The following FBLN2 variants were observed in gnomAD, a reference collection of about 807,000 sequenced individuals.
The protein encoded by FBLN2 is fibulin 2.
A neutral mutation model predicts 123.7 loss-of-function variants in FBLN2; 81 were observed. The observed-to-expected ratio is 0.65, with a 90% CI of 0.55 to 0.79. The LOEUF (loss-of-function observed/expected upper bound fraction) is 0.79. Among genes scored for constraint, FBLN2 ranks in the 30% least tolerant of loss-of-function variants. The pLI, the probability that FBLN2 is intolerant of heterozygous loss-of-function variation, is 0.00. For missense variants in FBLN2, 1,603 were observed against 1,681.3 expected (o/e 0.95, Z 0.81); for synonymous variants, 699 against 701.4 (o/e 1.00, Z 0.05).
chr3:13,605,551 C>T (rs780774597), intron 2 of FBLN2, among the ~76,000 whole-genome samples: 2 of 152,190 alleles, frequency 1.3e-5, no homozygotes, highest in Non-Finnish European at 2.9e-5. Context: ...TCTATTGTTT[C>T]TGACAGCTCC....
In FBLN2 at chr3:13,606,729, A is replaced by T. The variant is rs533127005; in HGVS notation, c.1307-1333A>T. ...AGCAGTGGAATGATCTCAGCTCACCACAACCTCCGCCTCCCAGGTTCCAGT... is the reference window on the plus strand; with the variant it reads ...AGCAGTGGAATGATCTCAGCTCACCTCAACCTCCGCCTCCCAGGTTCCAGT... On this transcript the variant is annotated intron_variant, in intron 2 of 17. Coordinates refer to ENST00000404922, the MANE Select transcript of FBLN2 (RefSeq NM_001004019.2). 1.1e-3 allele frequency among the ~76,000 whole-genome samples: 160 copies of T among 152,228 alleles called. 1 individual carries two copies. The South Asian group carries it at 0.032, about 31-fold the overall frequency.
rs1376226954 is a variant in FBLN2 at position 13,570,532 on chromosome 3, G to A, written c.177G>A (p.Val59=). 1 of 1,593,254 alleles carries A rather than the reference G, an allele frequency of 6.3e-7. No homozygotes were observed. Among genetic ancestry groups the A allele is most frequent in the Non-Finnish European group, 8.5e-7 (1 of 1,171,754 alleles). ...LEPGACCATC[V]QQGCACEGYQ... ...CGGGTGCCTGCTGTGCCACGTGTGT[G>A]CAGCAGGGCTGCGCCTGCGAGGGCT... Residue 59 remains valine, a synonymous_variant, in exon 2 of 18, where the codon GTG becomes GTA. Transcript: ENST00000404922.
intron 1 of FBLN2, among the ~76,000 whole-genome samples, chr3:13,568,504 C>A (rs546763590): frequency 6.6e-6 from 1 of 152,320 alleles, no homozygotes; most frequent in South Asian, 2.1e-4. Context: ...CGCTTACAGG[C>A]ACGCCCAGAG....
chr3:13,567,489 C>T (rs534571679), intron 1 of FBLN2, among the ~76,000 whole-genome samples: 1 of 152,336 alleles, frequency 6.6e-6, no homozygotes, highest in South Asian at 2.1e-4. Flanking sequence ...TCCTGAGTTG[C>T]TGGGATTACA....
intron 1 of FBLN2, among the ~76,000 whole-genome samples, chr3:13,561,654 T>C (rs1703610309): frequency 6.6e-6 from 1 of 152,230 alleles, no homozygotes; most frequent in South Asian, 2.1e-4. Context: ...CGTCTGACCA[T>C]TCTTGCCAAA....
At chr3:13,568,731 C>A in intron 1 of FBLN2, 2 of 980,956 alleles carry the variant, frequency 2.0e-6, no homozygotes, top group Non-Finnish European at 2.4e-6. Flanking sequence ...GTCCTCCTTC[C>A]GTCTCCTTGA....
chr3:13,571,249 A>G lies in FBLN2; in HGVS notation c.894A>G (p.Ala298=). 6.4e-7 allele frequency: 1 copy of G among 1,567,746 alleles called. No homozygotes were observed. Among genetic ancestry groups the G allele is most frequent in the Non-Finnish European group, 8.6e-7 (1 of 1,156,788 alleles). ...EEMAVTEQLA[A]GGHRGLDGLP... ...TGGCTGTCACTGAGCAGCTGGCAGC[A>G]GGTGGCCACAGGGGGCTGGATGGGC... is the stretch of plus-strand genomic sequence containing the variant. The change falls in exon 2 of 18, where the codon GCA becomes GCG. Residue 298 remains alanine, a synonymous_variant. Coordinates refer to ENST00000404922, the MANE Select transcript of FBLN2 (RefSeq NM_001004019.2).
chr3:13,637,130 A>G (rs901899866), intron 17 of FBLN2, among the ~76,000 whole-genome samples: 8 of 152,100 alleles, frequency 5.3e-5, no homozygotes, highest in Non-Finnish European at 1.0e-4. Flanking sequence ...GAACTGACAG[A>G]CCGCTACTCT....
intron 2 of FBLN2, among the ~76,000 whole-genome samples, chr3:13,579,646 G>A (rs552292387): frequency 1.8e-4 from 27 of 152,220 alleles, no homozygotes; most frequent in African/African-American, 6.3e-4. Context: ...TTTGATGGCC[G>A]TGGTGCCCCA....
At chr3:13,631,524 A>G (rs373863233) in intron 16 of FBLN2, 67 bp downstream of exon 16, 2 of 1,509,396 alleles carry the variant, frequency 1.3e-6, no homozygotes, top group Non-Finnish European at 8.9e-7. Context: ...GCAGGCACAG[A>G]AAAGCTCACA....
In FBLN2 at chr3:13,634,022, G is replaced by A. The variant is rs1054216820; in HGVS notation, c.3215-2423G>A. Among the ~76,000 whole-genome samples, 6 of 116,758 alleles carry A rather than the reference G, an allele frequency of 5.1e-5. No individual in the cohort carries two copies. The East Asian group carries it at 1.4e-3, about 27-fold the overall frequency. The allele number at this position is 116,758 out of a possible 152,430, so 76.6% of individuals were successfully genotyped here. A position where few individuals can be genotyped will look rare whatever the true frequency, so the allele number is the denominator to read the frequency against. ...CTGAAAGTCACTCTGAGTCCCGGTC[G>A]TTTCTGTGTAGTAAGAGCCCATCTC... On this transcript the variant is annotated intron_variant, in intron 16 of 17. Transcript: ENST00000404922.
intron 1 of FBLN2, among the ~76,000 whole-genome samples, chr3:13,553,295 C>T (rs1013658953): frequency 5.9e-5 from 9 of 152,170 alleles, no homozygotes; most frequent in African/African-American, 2.2e-4. Flanking sequence ...CCCTCTGCAG[C>T]CCAGGTGTAG....
At chr3:13,551,191 C>T (rs1297398448) in intron 1 of FBLN2, among the ~76,000 whole-genome samples, 3 of 151,538 alleles carry the variant, frequency 2.0e-5, no homozygotes, top group Non-Finnish European at 4.4e-5. Context: ...AAGCATAGGC[C>T]CAGGCTGGTC....
intron 2 of FBLN2, among the ~76,000 whole-genome samples, chr3:13,595,881 A>C (rs1003852253): frequency 4.0e-5 from 6 of 151,842 alleles, no homozygotes; most frequent in African/African-American, 1.5e-4. Context: ...AGGGGTAAAC[A>C]GTCAGTTTCC....
intron 2 of FBLN2, among the ~76,000 whole-genome samples, chr3:13,605,088 G>C (rs1057124981): frequency 2.0e-5 from 3 of 152,204 alleles, no homozygotes; most frequent in African/African-American, 4.8e-5. Flanking sequence ...CTGAGATGTG[G>C]ACCCAGGCCC....
intron 2 of FBLN2, among the ~76,000 whole-genome samples, chr3:13,594,766 G>A (rs1426474989): frequency 6.6e-6 from 1 of 152,132 alleles, no homozygotes; most frequent in East Asian, 1.9e-4. Flanking sequence ...GGACACAGAG[G>A]GACCCCAGAG....
chr3:13,613,345 T>G (rs1172428975), intron 4 of FBLN2, among the ~76,000 whole-genome samples: 1 of 152,274 alleles, frequency 6.6e-6, no homozygotes, highest in African/African-American at 2.4e-5. Context: ...TTGCCGTTAT[T>G]GCAACCAAAA....
chr3:13,598,018 C>G (rs1039809180), intron 2 of FBLN2, among the ~76,000 whole-genome samples: 1 of 152,178 alleles, frequency 6.6e-6, no homozygotes, highest in East Asian at 1.9e-4. Context: ...ATTGCTCCCC[C>G]TCGGCCTGAG....
At chr3:13,614,268 C>G in intron 5 of FBLN2, 104 bp downstream of exon 5, 1 of 1,138,836 alleles carries the variant, frequency 8.8e-7, no homozygotes, top group Non-Finnish European at 1.2e-6. Context: ...GCTTGAGACA[C>G]AAGTTCTGCT....
Sources: allele counts gnomAD v4.1 joint callset (sites outside exome capture counted in the v4.1 genomes callset), GRCh38; gene constraint gnomAD v4.1.1; transcripts MANE v1.5; gene names NCBI Gene and HGNC (gene_info 2026-07-23, HGNC 2026-07-21).